The following DNAJC2 variants were observed in gnomAD, a reference collection of about 807,000 sequenced individuals.
DNAJC2 encodes the protein DnaJ heat shock protein family (Hsp40) member C2, also known as dnaJ homolog subfamily C member 2.
Under a neutral mutation model 94.0 loss-of-function variants are expected in DNAJC2, and 32 were observed. That is an observed-to-expected ratio of 0.34 (90% confidence interval 0.26 to 0.46). The LOEUF (loss-of-function observed/expected upper bound fraction) is 0.46. DNAJC2 is among the 20% of genes least tolerant of loss of function. The probability of loss-of-function intolerance (pLI) is 1.00; values close to 1 mark genes in which losing one functional copy is unlikely to be tolerated. For synonymous variants in DNAJC2, 210 were observed against 229.7 expected, an observed-to-expected ratio of 0.91 and a Z score of 0.77; for missense variants, 550 against 719.5, an observed-to-expected ratio of 0.76 and a Z score of 2.69.
Position 103,318,045 on chromosome 7 carries a change from CTTCTG to C in DNAJC2, c.1243-1036_1243-1032del, listed in dbSNP as rs532302799. Among the ~76,000 whole-genome samples, 276 of 152,306 alleles carry C rather than the reference CTTCTG, an allele frequency of 1.8e-3. 3 individuals carry two copies. Among genetic ancestry groups the C allele is most frequent in the African/African-American group, 6.4e-3 (267 of 41,570 alleles). ...TCAGATTAGTAGTACAATGTTGAACCTTCTGTTAATCAAAGATTTGCAGTAATGGA... is the reference window on the plus strand; with the variant it reads ...TCAGATTAGTAGTACAATGTTGAACCTTAATCAAAGATTTGCAGTAATGGA... On this transcript the variant is annotated intron_variant, in intron 12 of 16. Coordinates refer to ENST00000379263, the MANE Select transcript of DNAJC2 (RefSeq NM_014377.3).
At chr7:103,325,461 A>AAC (rs397808523) in intron 5 of DNAJC2, among the ~76,000 whole-genome samples, 1 of 151,310 alleles carries the variant, frequency 6.6e-6, no homozygotes. Flanking sequence ...AAAAAAAAAA[A>AAC]CCAAAAAACA....
intron 3 of DNAJC2, chr7:103,335,698 A>G (rs1448855157): frequency 1.3e-4 from 20 of 152,040 alleles, no homozygotes; most frequent in Non-Finnish European, 2.9e-5. Flanking sequence ...GGCATGCGCC[A>G]CCGCACCTGG....
At chr7:103,336,490 CCCA>C (rs1819180011) in intron 3 of DNAJC2, 1 of 152,192 alleles carries the variant, frequency 6.6e-6, no homozygotes, top group African/African-American at 2.4e-5. Context: ...AATACAGGTG[CCCA>C]CCACCACACC....
chr7:103,329,186 TA>T (rs1586097606), intron 3 of DNAJC2: 6 of 327,384 alleles, frequency 1.8e-5, no homozygotes, highest in Non-Finnish European at 2.9e-5. Context: ...TGCTAGCTGT[TA>T]ACATCTACAT....
At chr7:103,334,643 T>G (rs1337139655) in intron 3 of DNAJC2, among the ~76,000 whole-genome samples, 1 of 150,968 alleles carries the variant, frequency 6.6e-6, no homozygotes, top group South Asian at 2.1e-4. Flanking sequence ...AGACAAGGTC[T>G]TGCTATGTTG....
At chr7:103,341,293 A>C (rs1201929593) in intron 2 of DNAJC2, among the ~76,000 whole-genome samples, 3 of 152,208 alleles carry the variant, frequency 2.0e-5, no homozygotes, top group Admixed American at 2.0e-4. Context: ...TTACTGTCCC[A>C]AAAATAAATT....
intron 5 of DNAJC2, among the ~76,000 whole-genome samples, chr7:103,326,276 C>T (rs1321112965): frequency 6.6e-6 from 1 of 152,042 alleles, no homozygotes; most frequent in Admixed American, 6.6e-5. Context: ...CTGTGCCCAG[C>T]CCAAGTAAAT....
At chr7:103,340,942 C>A (rs1819350883) in intron 2 of DNAJC2, among the ~76,000 whole-genome samples, 1 of 152,216 alleles carries the variant, frequency 6.6e-6, no homozygotes, top group Non-Finnish European at 1.5e-5. Context: ...ACATTCTTAT[C>A]CTCATCCCAG....
Position 103,316,566 on chromosome 7 carries a change from T to C in DNAJC2, c.1427+264A>G, listed in dbSNP as rs1330768540. ...ATCCCTAGAACAAGCCATGACAGAG[T>C]AAGCCAACATAAATCAAGACTTGTC... On this transcript the variant is annotated intron_variant, in intron 13 of 16. Coordinates refer to ENST00000379263, the MANE Select transcript of DNAJC2 (RefSeq NM_014377.3). The C allele has an allele frequency of 9.7e-6, 4 of 411,804 alleles. No individual in the cohort carries two copies. The East Asian group carries it at 1.3e-4, about 13-fold the overall frequency. The allele number at this position is 411,804 out of a possible 1,614,324, so 25.5% of individuals were successfully genotyped here.
intron 3 of DNAJC2, 84 bp downstream of exon 3, chr7:103,337,652 A>G: frequency 1.8e-6 from 2 of 1,118,124 alleles, no homozygotes. Context: ...GCTGCAGACT[A>G]TGATACTGTA....
chr7:103,313,650 TGTG>T, intron 15 of DNAJC2: 1 of 985,404 alleles, frequency 1.0e-6, no homozygotes, highest in Non-Finnish European at 1.2e-6. Flanking sequence ...TGTGTTGTAG[TGTG>T]GTGTTCTCTT....
intron 6 of DNAJC2, 104 bp from the exon 7 acceptor site, chr7:103,323,767 T>A: frequency 1.1e-6 from 1 of 901,834 alleles, no homozygotes. Context: ...TTTCCTTCCC[T>A]TCTAGTATTG....
rs372066944 is a variant in DNAJC2, at chr7:103,322,522, C to T, written c.922G>A (p.Ala308Thr). Residue 308 changes from alanine to threonine, a missense_variant, in exon 9 of 17, where the codon GCT becomes ACT. By Grantham distance (58) the Ala-to-Thr change is moderately conservative (BLOSUM62 0). This residue lies in a region of DNAJC2 where 279 missense variants were observed against 416.9 expected (regional missense o/e 0.67). Coordinates refer to ENST00000379263, the MANE Select transcript of DNAJC2 (RefSeq NM_014377.3). ...AAATGTTGTCTTACTTTTTCTTTAG[C>T]TTCTTGCTCCTTCCGTTTAGCTTCT... ...KAEAKRKEQE[A>T]KEKQRQAELE... The T allele has an allele frequency of 2.9e-5, 43 of 1,494,748 alleles. No individual in the cohort carries two copies. The African/African-American group carries it at 5.9e-4, about 20-fold the overall frequency. 92.6% of individuals were successfully genotyped at this position (1,494,748 alleles called of 1,614,324 possible).
At chr7:103,316,508 C>G in intron 13 of DNAJC2, 1 of 256,624 alleles carries the variant, frequency 3.9e-6, no homozygotes, top group Non-Finnish European at 7.3e-6. Context: ...AAACAAAGAG[C>G]AAGACTGTAA....
chr7:103,327,220 C>A (rs956524805), intron 4 of DNAJC2: 4 of 500,144 alleles, frequency 8.0e-6, no homozygotes, highest in Non-Finnish European at 6.5e-6. Context: ...TAATCAACTT[C>A]TTGATTTAAA....
intron 2 of DNAJC2, among the ~76,000 whole-genome samples, chr7:103,341,554 CT>C (rs1302338495): frequency 1.3e-5 from 2 of 152,220 alleles, no homozygotes; most frequent in Non-Finnish European, 2.9e-5. Flanking sequence ...CAAACATTAT[CT>C]TTTCTGTGAA....
At chr7:103,318,160 AT>A (rs3214210) in intron 12 of DNAJC2, among the ~76,000 whole-genome samples, 35 of 146,468 alleles carry the variant, frequency 2.4e-4, no homozygotes, top group South Asian at 1.3e-3. Context: ...TCCCCATAAC[AT>A]TTTTTTTTTG....
intron 3 of DNAJC2, among the ~76,000 whole-genome samples, chr7:103,329,725 T>C (rs1478781407): frequency 6.6e-6 from 1 of 152,212 alleles, no homozygotes; most frequent in Non-Finnish European, 1.5e-5. Flanking sequence ...TGGTTACTTA[T>C]TCTTGCCCTG....
intron 13 of DNAJC2, 160 bp downstream of exon 13, chr7:103,316,666 AGACT>A: frequency 6.4e-6 from 4 of 621,186 alleles, no homozygotes. Flanking sequence ...GCAATGGGTA[AGACT>A]GACAGCTTCA....
Sources: allele counts gnomAD v4.1 joint callset (sites outside exome capture counted in the v4.1 genomes callset), GRCh38; gene constraint gnomAD v4.1.1; regional missense constraint gnomAD v4.1.1; transcripts MANE v1.5; gene names NCBI Gene and HGNC (gene_info 2026-07-23, HGNC 2026-07-21).